Variants in TRAPPC3 observed in about 807,000 individuals in gnomAD.
The protein encoded by TRAPPC3 is trafficking protein particle complex subunit 3.
A neutral mutation model predicts 18.2 loss-of-function variants in TRAPPC3; 5 were observed. That is an observed-to-expected ratio of 0.28 (90% CI 0.14 to 0.58). TRAPPC3 has a LOEUF of 0.58. TRAPPC3 is among the 20% of genes least tolerant of loss of function. TRAPPC3 has a pLI of 0.91. For missense variants in TRAPPC3, 176 were observed against 225.9 expected, an observed-to-expected ratio of 0.78 and a Z score of 1.41; for synonymous variants, 65 against 84.2, an observed-to-expected ratio of 0.77 and a Z score of 1.25.
At chr1:36,138,217 G>A (rs1166066925) in intron 3 of TRAPPC3, 1 of 1,546,356 alleles carries the variant, frequency 6.5e-7, no homozygotes, top group African/African-American at 1.4e-5. Context: ...TGTTTTCCCA[G>A]AAACATTTTT....
At chr1:36,145,083 G>A (rs965155098) in intron 1 of TRAPPC3, among the ~76,000 whole-genome samples, 121 of 151,818 alleles carry the variant, frequency 8.0e-4, no homozygotes, top group Middle Eastern at 3.2e-3. Context: ...GTGCAGTAGC[G>A]CAATCTTGGC....
At chr1:36,151,041 G>C (rs571409582), upstream of TRAPPC3, among the ~76,000 whole-genome samples, 6 of 152,226 alleles carry the variant, frequency 3.9e-5, no homozygotes, top group East Asian at 9.6e-4. Flanking sequence ...TCTAGAGAGA[G>C]TGGAGGTGGA....
upstream of TRAPPC3, among the ~76,000 whole-genome samples, chr1:36,150,696 T>C (rs1408117618): frequency 2.6e-5 from 4 of 152,200 alleles, no homozygotes; most frequent in Non-Finnish European, 4.4e-5. Context: ...AGACATTCTG[T>C]TTCCTCCCTA....
chr1:36,144,229 G>A (rs1007826755), intron 1 of TRAPPC3, among the ~76,000 whole-genome samples: 36 of 127,708 alleles, frequency 2.8e-4, no homozygotes, highest in African/African-American at 9.4e-4. Context: ...CGGAGGTTGC[G>A]GTAAGCCAAG....
intron 1 of TRAPPC3, among the ~76,000 whole-genome samples, chr1:36,143,498 C>T (rs934849753): frequency 6.6e-6 from 1 of 152,132 alleles, no homozygotes; most frequent in Non-Finnish European, 1.5e-5. Context: ...GTTGCAGAGT[C>T]TGAAGACCTG....
rs1428752759 is a variant in TRAPPC3, at chr1:36,139,650, TAGAA to T, written c.240+66_240+69del. 8 of 1,595,242 alleles carry T rather than the reference TAGAA, an allele frequency of 5.0e-6. No homozygotes were observed. In the Admixed American group the frequency reaches 7.0e-5, roughly 14 times the overall value. Reference sequence around the variant, plus strand: ...AGATTAAAGGCCTCTCTAAGGGAGATAGAAAGAGTGGTAAGCAGTGCCTCTCAGC... The same window carrying T: ...AGATTAAAGGCCTCTCTAAGGGAGATAGAGTGGTAAGCAGTGCCTCTCAGC... On this transcript the variant is annotated intron_variant, in intron 3 of 4. Coordinates refer to ENST00000373166, the MANE Select transcript of TRAPPC3 (RefSeq NM_014408.5).
rs144563924 is a variant in TRAPPC3, at chr1:36,142,585, T to C, written c.43-2419A>G. Among the ~76,000 whole-genome samples the C allele has an allele frequency of 5.8e-4, 88 of 152,312 alleles. 1 individual carries two copies. In the East Asian group the frequency reaches 9.6e-3, roughly 17 times the overall value. On this transcript the variant is annotated intron_variant, in intron 1 of 4. Coordinates refer to ENST00000373166, the MANE Select transcript of TRAPPC3 (RefSeq NM_014408.5). ...GATCTGTTGGTGGTCATGGAATCCA[T>C]ATACCTGGGATCTCGGAATGGGATC... is the stretch of plus-strand genomic sequence containing the variant.
Position 36,137,851 on chromosome 1 carries a change from G to A in TRAPPC3, c.368C>T (p.Ser123Leu), listed in dbSNP as rs915788772. ...CAAGAGATTGGAATAAATAAGGGAT[G>A]AGTGGTTATCAGGAAGTTCCACAAA... Reference protein sequence around the residue: ...VDFVELPDNHSSLIYSNLLCG... With the variant: ...VDFVELPDNHLSLIYSNLLCG... The change falls in exon 4 of 5, where the codon TCA (serine) becomes TTA (leucine). Residue 123 changes from serine (S) to leucine (L), a missense_variant. Ser to Leu is a moderately radical substitution (Grantham distance 145, BLOSUM62 -2). Around this residue, in one of 2 missense-constraint regions of TRAPPC3, gnomAD observed 147 missense variants for 164.3 expected, o/e 0.89. Transcript: ENST00000373166. 15 of 1,614,082 alleles carry A rather than the reference G, an allele frequency of 9.3e-6. No individual in the cohort carries two copies. The highest frequency in any genetic ancestry group is 4.0e-5 in the African/African-American group (3 of 74,930).
At chr1:36,142,029 G>T (rs1003072149) in intron 1 of TRAPPC3, among the ~76,000 whole-genome samples, 19 of 151,048 alleles carry the variant, frequency 1.3e-4, no homozygotes, top group Non-Finnish European at 2.5e-4. Context: ...AAAGTAATTT[G>T]GGGAGAAAAA....
rs1056510074 is a variant in TRAPPC3, at chr1:36,137,788, G to A, written c.423+8C>T. 6.2e-7 allele frequency: 1 copy of A among 1,612,188 alleles called. No individual in the cohort carries two copies. On this transcript the variant is annotated splice_region_variant and intron_variant, in intron 4 of 4. Coordinates refer to ENST00000373166, the MANE Select transcript of TRAPPC3 (RefSeq NM_014408.5). The stretch of plus-strand genomic sequence containing the variant: ...CGGGTGTCCCAGAAGATAAAGAGTT[G>A]CACTCACCATCTCCAAAGCTCCCCG...
At chr1:36,141,853 G>GA (rs1237284390) in intron 1 of TRAPPC3, among the ~76,000 whole-genome samples, 1 of 150,986 alleles carries the variant, frequency 6.6e-6, no homozygotes, top group African/African-American at 2.4e-5. Context: ...AGCTACTCAG[G>GA]AGGCTAAGGC....
upstream of TRAPPC3, among the ~76,000 whole-genome samples, chr1:36,149,772 C>G (rs1294948197): frequency 6.6e-6 from 1 of 152,044 alleles, no homozygotes; most frequent in East Asian, 1.9e-4. Flanking sequence ...CCCCCGCGCC[C>G]GGCTCAGAGA....
chr1:36,148,279 G>A (rs904445158), intron 1 of TRAPPC3, among the ~76,000 whole-genome samples: 5 of 152,156 alleles, frequency 3.3e-5, no homozygotes, highest in Admixed American at 6.5e-5. Context: ...GGCCAACATG[G>A]TGAAACCCCG....
At chr1:36,149,631 A>C, upstream of TRAPPC3, 17 of 528,264 alleles carry the variant, frequency 3.2e-5, no homozygotes, top group South Asian at 9.6e-5. Context: ...GTCAACTACA[A>C]CTCCCGGAGT....
chr1:36,152,795 C>T (rs117831861), upstream of TRAPPC3, among the ~76,000 whole-genome samples: 8 of 152,220 alleles, frequency 5.3e-5, no homozygotes, highest in East Asian at 1.5e-3. Context: ...AGACTACAGG[C>T]ACGCACCACG....
At chr1:36,146,048 G>A (rs552043845) in intron 1 of TRAPPC3, among the ~76,000 whole-genome samples, 1 of 152,150 alleles carries the variant, frequency 6.6e-6, no homozygotes, top group Admixed American at 6.5e-5. Flanking sequence ...AAAGTGCTGG[G>A]ATTACAGGCG....
chr1:36,141,171 A>G (rs1041877316), intron 1 of TRAPPC3, among the ~76,000 whole-genome samples: 2 of 144,812 alleles, frequency 1.4e-5, no homozygotes, highest in African/African-American at 5.0e-5. Flanking sequence ...AAAAAGAAGA[A>G]TTCTGTCACT....
At chr1:36,147,880 T>C (rs1013264969) in intron 1 of TRAPPC3, among the ~76,000 whole-genome samples, 3 of 151,702 alleles carry the variant, frequency 2.0e-5, no homozygotes, top group Non-Finnish European at 2.9e-5. Flanking sequence ...GGGGGTAGAG[T>C]CTGCAGATTT....
At chr1:36,146,298 CTCTTT>C (rs1433741550) in intron 1 of TRAPPC3, among the ~76,000 whole-genome samples, 1 of 99,492 alleles carries the variant, frequency 1.0e-5, no homozygotes, top group African/African-American at 3.0e-5. Flanking sequence ...AGGATGGTCT[CTCTTT>C]TTTTTTTTTT....
Sources: gnomAD v4.1 joint callset for allele counts (sites outside exome capture counted in the v4.1 genomes callset) on GRCh38, gnomAD v4.1.1 for gene constraint, gnomAD v4.1.1 regional missense constraint, MANE v1.5 for transcripts, NCBI Gene and HGNC (gene_info 2026-07-23, HGNC 2026-07-21) for gene names.